RPAP3: variants seen among roughly 807,000 people sequenced by gnomAD.
RPAP3 encodes the protein RNA polymerase II associated protein 3.
A neutral mutation model predicts 88.8 loss-of-function variants in RPAP3; 58 were observed. The observed-to-expected ratio is 0.65, with a 90% CI of 0.53 to 0.81. The LOEUF (loss-of-function observed/expected upper bound fraction) is 0.81, where lower values mean the gene tolerates loss of function less well. Ranked by LOEUF, RPAP3 falls within the 40% of genes least tolerant of loss-of-function variation. The pLI is 0.00. For missense variants in RPAP3, 751 were observed against 764.3 expected (o/e 0.98, Z 0.20); for synonymous variants, 255 against 259.9 (o/e 0.98, Z 0.18).
intron 10 of RPAP3, among the ~76,000 whole-genome samples, chr12:47,680,317 T>C (rs2136622165): frequency 6.6e-6 from 1 of 152,260 alleles, no homozygotes. Context: ...TGGAGAGTTA[T>C]TGTTTAATGT....
At chr12:47,686,939 A>G in intron 8 of RPAP3, 32 bp from the exon 9 acceptor site, 1 of 1,421,666 alleles carries the variant, frequency 7.0e-7, no homozygotes, top group South Asian at 1.3e-5. Context: ...TGGAGAATAA[A>G]AAAAAAATTT....
At position 47,689,171 on chromosome 12, in the gene RPAP3, T is replaced by C. The variant is rs1939380520; in HGVS notation, c.692A>G (p.Glu231Gly). Residue 231 changes from glutamate (E) to glycine (G), a missense_variant, in exon 7 of 17, where the codon GAA (glutamate) becomes GGA (glycine). Glu to Gly is a moderately conservative substitution (Grantham distance 98). Transcript: ENST00000005386. ...KKDYERVLEL[E>G]PNNFEATNEL... is the part of the protein sequence containing the mutation. ...ATTTGTTGCTTCAAAGTTATTTGGT[T>C]CTAGTTCTAATACTCTTTCATAATC... 10 of 1,466,434 alleles carry C rather than the reference T, an allele frequency of 6.8e-6. No individual in the cohort carries two copies. The highest frequency in any genetic ancestry group is 7.6e-6 in the Non-Finnish European group (8 of 1,057,570). The allele number at this position is 1,466,434 out of a possible 1,614,324, so 90.8% of individuals were successfully genotyped here.
intron 12 of RPAP3, among the ~76,000 whole-genome samples, chr12:47,672,689 T>A (rs1939023460): frequency 6.6e-6 from 1 of 152,188 alleles, no homozygotes; most frequent in Admixed American, 6.5e-5. Flanking sequence ...CCCTTCCCAC[T>A]AGGATACTAA....
intron 1 of RPAP3, among the ~76,000 whole-genome samples, 178 bp downstream of exon 1, chr12:47,705,774 G>A (rs1050479827): frequency 5.3e-5 from 8 of 152,166 alleles, no homozygotes; most frequent in African/African-American, 1.4e-4. Flanking sequence ...CTCCGGGAAC[G>A]CGCGACCCGA....
chr12:47,670,200 T>G lies in RPAP3; in HGVS notation c.1433A>C (p.Lys478Thr), dbSNP rs1307845532. The change falls in exon 13 of 17, where the codon AAG becomes ACG. Residue 478 changes from lysine (K) to threonine (T), a missense_variant. Physicochemically the swap from Lys to Thr is moderately conservative, Grantham distance 78 (BLOSUM62 -1). Transcript: ENST00000005386. ...VIAATGTTSK[K>T]NSSQDDLFPT... is the part of the protein sequence containing the mutation. ...AAAAAGGTCATCTTGGCTTGAATTC[T>G]TCTTACTTGTGGTGCCTGTGGCTGC... 6.2e-7 allele frequency: 1 copy of G among 1,614,042 alleles called. No individual in the cohort carries two copies. The highest frequency in any genetic ancestry group is 1.7e-4 in the Middle Eastern group (1 of 6,060).
At chr12:47,670,463 A>G (rs533532390) in intron 12 of RPAP3, 118 bp from the exon 13 acceptor site, 48 of 629,410 alleles carry the variant, frequency 7.6e-5, no homozygotes, top group African/African-American at 4.8e-4. Flanking sequence ...AGTAAATTCA[A>G]TTTGGTGGCT....
chr12:47,670,090 A>G lies in RPAP3; in HGVS notation c.1526+17T>C, dbSNP rs767580748. 7.0e-7 allele frequency: 1 copy of G among 1,436,752 alleles called. No individual in the cohort carries two copies. The highest frequency in any genetic ancestry group is 9.8e-7 in the Non-Finnish European group (1 of 1,018,872). The allele number at this position is 1,436,752 out of a possible 1,614,324, so 89.0% of individuals were successfully genotyped here. A position where few individuals can be genotyped will look rare whatever the true frequency, so the allele number is the denominator to read the frequency against. On this transcript the variant is annotated intron_variant, in intron 13 of 16. Transcript: ENST00000005386. ...ACCCATTCTGGATGATCAGCAAATA[A>G]CAGTATTTCTACTCACTGCAGGGAT...
Position 47,697,671 on chromosome 12 carries a change from G to C in RPAP3, c.343C>G (p.Leu115Val), listed in dbSNP as rs151225713. ...LDKDDSTHES[L>V]SQESESEEDG... ...TCTTCCGACTCTGATTCTTGAGACA[G>C]AGACTCATGGGTACTATCGTCTTTG... The change falls in exon 4 of 17, where the codon CTG becomes GTG. Residue 115 changes from leucine to valine, a missense_variant. Leu to Val is a conservative substitution (Grantham distance 32). Transcript: ENST00000005386. 685 of 1,609,706 alleles carry C rather than the reference G, an allele frequency of 4.3e-4. 2 individuals carry two copies. Among genetic ancestry groups the C allele is most frequent in the Non-Finnish European group, 5.4e-4 (641 of 1,177,626 alleles).
intron 15 of RPAP3, 95 bp downstream of exon 15, chr12:47,667,659 T>C (rs1938908392): frequency 3.0e-6 from 2 of 657,850 alleles, no homozygotes; most frequent in Non-Finnish European, 5.2e-6. Context: ...TATGTTCCTA[T>C]GTCTTAATCA....
At chr12:47,670,946 G>C (rs969544644) in intron 12 of RPAP3, among the ~76,000 whole-genome samples, 6 of 152,200 alleles carry the variant, frequency 3.9e-5, no homozygotes, top group African/African-American at 1.4e-4. Context: ...GTATGGGATA[G>C]ACTATCATTA....
intron 4 of RPAP3, among the ~76,000 whole-genome samples, chr12:47,697,222 C>T (rs999244053): frequency 1.3e-5 from 2 of 152,176 alleles, no homozygotes; most frequent in Non-Finnish European, 2.9e-5. Flanking sequence ...CCAAGAATCA[C>T]ACACTAATTT....
intron 9 of RPAP3, 124 bp from the exon 10 acceptor site, chr12:47,681,941 T>G: frequency 1.1e-6 from 1 of 898,152 alleles, no homozygotes; most frequent in Non-Finnish European, 1.6e-6. Flanking sequence ...AAATCTGTGT[T>G]TGAAGTGGAG....
intron 15 of RPAP3, among the ~76,000 whole-genome samples, 162 bp from the exon 16 acceptor site, chr12:47,667,242 AACTG>A (rs1938894594): frequency 6.6e-6 from 1 of 152,240 alleles, no homozygotes; most frequent in Non-Finnish European, 1.5e-5. Flanking sequence ...TTATCAAGTC[AACTG>A]AAGAAATTAC....
intron 7 of RPAP3, among the ~76,000 whole-genome samples, chr12:47,688,646 T>C (rs1336769191): frequency 6.6e-6 from 1 of 152,146 alleles, no homozygotes; most frequent in Non-Finnish European, 1.5e-5. Flanking sequence ...ACCAAACTTC[T>C]CAAATTCAAT....
intron 1 of RPAP3, among the ~76,000 whole-genome samples, chr12:47,703,234 G>C (rs142036654): frequency 5.2e-4 from 79 of 152,144 alleles, no homozygotes; most frequent in African/African-American, 1.8e-3. Context: ...TCAAGATTTA[G>C]GGATGCAAAA....
rs1939182655 is a variant in RPAP3, at chr12:47,679,557, A to G, written c.1223T>C (p.Leu408Pro). ...IEKGHWDDVF[L>P]DSTQRQNVVK... ...CACATTTTGTCTTTGTGTGGAATCA[A>G]GAAAGACATCATCCCAGTGTCCTTT... The change falls in exon 12 of 17, where the codon CTT becomes CCT. Residue 408 changes from leucine (L) to proline (P), a missense_variant. By Grantham distance (98) the Leu-to-Pro change is moderately conservative. Coordinates refer to ENST00000005386, the MANE Select transcript of RPAP3 (RefSeq NM_024604.3). 7 of 1,606,824 alleles carry G rather than the reference A, an allele frequency of 4.4e-6. No homozygotes were observed. In the East Asian group the frequency reaches 1.6e-4, roughly 36 times the overall value.
intron 9 of RPAP3, among the ~76,000 whole-genome samples, chr12:47,684,526 C>T (rs1356149685): frequency 1.3e-5 from 2 of 152,088 alleles, no homozygotes; most frequent in Non-Finnish European, 2.9e-5. Context: ...GAAAAAAATT[C>T]TGATATTAAC....
rs776870361 is a variant in RPAP3 at position 47,670,171 on chromosome 12, T to G, written c.1462A>C (p.Thr488Pro). ...KNSSQDDLFP[T>P]SDTPRAKVLK... ...ACTTTTGCTCTTGGAGTATCACTTG[T>G]GGGAAAAAGGTCATCTTGGCTTGAA... The change falls in exon 13 of 17, where the codon ACA becomes CCA. Residue 488 changes from threonine to proline, a missense_variant. Physicochemically the swap from Thr to Pro is conservative, Grantham distance 38. Transcript: ENST00000005386. 5.9e-5 allele frequency: 96 copies of G among 1,613,900 alleles called. No homozygotes were observed. Among genetic ancestry groups the G allele is most frequent in the Non-Finnish European group, 8.0e-5 (94 of 1,179,928 alleles).
intron 3 of RPAP3, among the ~76,000 whole-genome samples, chr12:47,698,667 C>G (rs1344240807): frequency 1.3e-5 from 2 of 152,238 alleles, no homozygotes; most frequent in African/African-American, 4.8e-5. Flanking sequence ...GCATGCACCA[C>G]CATGCGCAGC....
Sources: gnomAD v4.1 joint callset for allele counts (sites outside exome capture counted in the v4.1 genomes callset) on GRCh38, gnomAD v4.1.1 for gene constraint, MANE v1.5 for transcripts, NCBI Gene and HGNC (gene_info 2026-07-23, HGNC 2026-07-21) for gene names.